COL27A1: variants seen among roughly 807,000 people sequenced by gnomAD.
COL27A1 encodes collagen alpha-1(XXVII) chain.
Under a neutral mutation model 251.3 loss-of-function variants are expected in COL27A1, and 106 were observed. The ratio of observed to expected loss-of-function variants is 0.42; its 90% CI spans 0.36 to 0.50. The LOEUF is 0.50. Among genes scored for constraint, COL27A1 ranks in the 20% least tolerant of loss-of-function variants. The pLI, the probability that COL27A1 is intolerant of heterozygous loss-of-function variation, is 0.00. For synonymous variants in COL27A1, 1,000 were observed against 986.3 expected, an observed-to-expected ratio of 1.01 and a Z score of -0.26; for missense variants, 2,325 against 2,522.8, an observed-to-expected ratio of 0.92 and a Z score of 1.68.
rs760037341 is a variant in COL27A1, at chr9:114,267,458, G to C, written c.3448-46G>C. On this transcript the variant is annotated intron_variant, in intron 33 of 60. Coordinates refer to ENST00000356083, the MANE Select transcript of COL27A1 (RefSeq NM_032888.4). ...TCAGTTACCCCCTTGCTTACAACCAGGGGGCAGCTCTTGCTCTAGGAGGGA... is the reference window on the plus strand; with the variant it reads ...TCAGTTACCCCCTTGCTTACAACCACGGGGCAGCTCTTGCTCTAGGAGGGA... 5.1e-6 allele frequency: 8 copies of C among 1,564,498 alleles called. No individual in the cohort carries two copies. The East Asian group carries it at 1.7e-4, about 32-fold the overall frequency.
Position 114,231,857 on chromosome 9 carries a change from A to T in COL27A1, c.2556A>T (p.Lys852Asn), listed in dbSNP as rs1831982471. The T allele has an allele frequency of 6.2e-7, 1 of 1,614,108 alleles. No homozygotes were observed. Residue 852 changes from lysine (K) to asparagine (N), a missense_variant, in exon 16 of 61, where the codon AAA becomes AAT. Physicochemically the swap from Lys to Asn is moderately conservative, Grantham distance 94 (BLOSUM62 0). Transcript: ENST00000356083. ...LMGSVGEPGL[K>N]GDKGEQGVPG... ...GCAGCGTGGGGGAGCCCGGACTGAA[A>T]GGTGATAAGGTGATCTGAATACTCC...
intron 16 of COL27A1, among the ~76,000 whole-genome samples, chr9:114,232,615 C>G (rs1325443685): frequency 6.6e-6 from 1 of 152,260 alleles, no homozygotes; most frequent in Non-Finnish European, 1.5e-5. Context: ...GAAGGACTGA[C>G]TGCTGCTCAG....
At chr9:114,214,932 A>C (rs1830619884) in intron 12 of COL27A1, among the ~76,000 whole-genome samples, 1 of 152,240 alleles carries the variant, frequency 6.6e-6, no homozygotes, top group African/African-American at 2.4e-5. Flanking sequence ...TTTCCCAGCC[A>C]AGGGTCTCTA....
At chr9:114,253,619 A>C (rs1301237492) in intron 27 of COL27A1, among the ~76,000 whole-genome samples, 1 of 152,174 alleles carries the variant, frequency 6.6e-6, no homozygotes, top group Non-Finnish European at 1.5e-5. Context: ...CCACTTTCTG[A>C]CTATAATCCT....
At chr9:114,235,139 A>T (rs1832282371) in intron 16 of COL27A1, among the ~76,000 whole-genome samples, 1 of 151,688 alleles carries the variant, frequency 6.6e-6, no homozygotes, top group Non-Finnish European at 1.5e-5. Flanking sequence ...CTCCCACATG[A>T]GGAGGAAGTG....
chr9:114,263,303 T>C (rs1834485577), intron 28 of COL27A1, among the ~76,000 whole-genome samples: 1 of 152,176 alleles, frequency 6.6e-6, no homozygotes, highest in African/African-American at 2.4e-5. Context: ...AGTTTTCTTA[T>C]TCCCCATCCT....
At position 114,305,627 on chromosome 9, in the gene COL27A1, C is replaced by T. The variant is rs565713318; in HGVS notation, c.4939-893C>T. Among the ~76,000 whole-genome samples the T allele has an allele frequency of 6.6e-5, 10 of 152,336 alleles. No individual in the cohort carries two copies. The South Asian group carries it at 2.1e-3, about 32-fold the overall frequency. Reference sequence around the variant, plus strand: ...GCCAGGGGCTCTGCCCTCTTCCTCTCCCACACGTGGCTCCCAAGGTCACTC... The same window carrying T: ...GCCAGGGGCTCTGCCCTCTTCCTCTTCCACACGTGGCTCCCAAGGTCACTC... On this transcript the variant is annotated intron_variant, in intron 57 of 60. Coordinates refer to ENST00000356083, the MANE Select transcript of COL27A1 (RefSeq NM_032888.4).
At chr9:114,219,888 G>T (rs867241388) in intron 13 of COL27A1, 44 bp downstream of exon 13, 3 of 1,445,430 alleles carry the variant, frequency 2.1e-6, no homozygotes, top group Middle Eastern at 3.5e-4. Flanking sequence ...GATTCTGAGT[G>T]AACACACAGC....
chr9:114,247,155 A>G (rs2135507083), intron 24 of COL27A1, among the ~76,000 whole-genome samples: 1 of 152,326 alleles, frequency 6.6e-6, no homozygotes, highest in Non-Finnish European at 1.5e-5. Context: ...TTAAAATATA[A>G]TATATTCATA....
intron 27 of COL27A1, 28 bp from the exon 28 acceptor site, chr9:114,258,513 C>G: frequency 4.4e-6 from 7 of 1,607,140 alleles, no homozygotes; most frequent in Non-Finnish European, 5.9e-6. Context: ...AAAAAGGGGC[C>G]TCTCCAAACT....
chr9:114,185,197 C>A (rs1351352123), intron 5 of COL27A1, among the ~76,000 whole-genome samples: 1 of 152,176 alleles, frequency 6.6e-6, no homozygotes, highest in East Asian at 1.9e-4. Flanking sequence ...AGTGAGTTCT[C>A]CTGCCACCAC....
In COL27A1 at chr9:114,237,239, G is replaced by A. The variant is rs563559793; in HGVS notation, c.2673+205G>A. 2.6e-5 allele frequency among the ~76,000 whole-genome samples: 4 copies of A among 152,348 alleles called. No individual in the cohort carries two copies. In the East Asian group the frequency reaches 5.8e-4, roughly 22 times the overall value. On this transcript the variant is annotated intron_variant, in intron 18 of 60. Coordinates refer to ENST00000356083, the MANE Select transcript of COL27A1 (RefSeq NM_032888.4). ...CTCAGTAACTCAGCCAGCTTCAGAGGCAGGCCTCATTTGCCGACAAAGCTC... is the reference window on the plus strand; with the variant it reads ...CTCAGTAACTCAGCCAGCTTCAGAGACAGGCCTCATTTGCCGACAAAGCTC...
At chr9:114,178,894 T>A (rs924803089) in intron 4 of COL27A1, among the ~76,000 whole-genome samples, 32 of 152,292 alleles carry the variant, frequency 2.1e-4, no homozygotes, top group Admixed American at 1.3e-4. Flanking sequence ...CCTTCTTTTA[T>A]GCTGCCTTAT....
rs770002016 is a variant in COL27A1 at position 114,304,059 on chromosome 9, C to T, written c.4873-549C>T. Among the ~76,000 whole-genome samples the T allele has an allele frequency of 2.8e-4, 43 of 152,356 alleles. 1 individual carries two copies. Among genetic ancestry groups the T allele is most frequent in the Non-Finnish European group, 4.8e-4 (33 of 68,042 alleles). ...TTTAGCAGAATTCCTGGCCTCTAAC[C>T]ACCAGATACAAGTAGTACCCCCTCC... On this transcript the variant is annotated intron_variant, in intron 56 of 60. Coordinates refer to ENST00000356083, the MANE Select transcript of COL27A1 (RefSeq NM_032888.4).
Position 114,169,175 on chromosome 9 carries a change from A to G in COL27A1, c.1620A>G (p.Glu540=), listed in dbSNP as rs758895314. The change falls in exon 3 of 61, where the codon GAA becomes GAG. Residue 540 remains glutamate (E), a synonymous_variant. Coordinates refer to ENST00000356083, the MANE Select transcript of COL27A1 (RefSeq NM_032888.4). ...PTGSKKPIGS[E]ASKKAGPKSS... ...GAAGCAAGAAGCCCATTGGATCGGAAGCCTCAAAGAAAGCCGGACCCAAGA... is the reference window on the plus strand; with the variant it reads ...GAAGCAAGAAGCCCATTGGATCGGAGGCCTCAAAGAAAGCCGGACCCAAGA... 162 of 1,613,926 alleles carry G rather than the reference A, an allele frequency of 1.0e-4. No homozygotes were observed. Among genetic ancestry groups the G allele is most frequent in the Non-Finnish European group, 1.3e-4 (151 of 1,180,008 alleles).
chr9:114,250,747 C>G, intron 25 of COL27A1, 79 bp downstream of exon 25: 2 of 1,329,854 alleles, frequency 1.5e-6, no homozygotes, highest in South Asian at 2.4e-5. Context: ...GGCCCTTTGA[C>G]CTGGGGATTT....
At chr9:114,215,915 G>A (rs770245716) in intron 12 of COL27A1, among the ~76,000 whole-genome samples, 3 of 152,216 alleles carry the variant, frequency 2.0e-5, no homozygotes, top group Admixed American at 6.5e-5. Flanking sequence ...AGGGACCTGA[G>A]CCTTAGGAGC....
Position 114,231,813 on chromosome 9 carries a change from G to A in COL27A1, c.2521-9G>A, listed in dbSNP as rs1185708047. 1.2e-6 allele frequency: 2 copies of A among 1,614,078 alleles called. No homozygotes were observed. Among genetic ancestry groups the A allele is most frequent in the Non-Finnish European group, 1.7e-6 (2 of 1,180,028 alleles). ...CCCATCACAGCTGGCCTTGGGCTTT[G>A]TCTTGCAGGGACTGATGGGCAGCGT... On this transcript the variant is annotated splice_polypyrimidine_tract_variant and intron_variant, in intron 15 of 60. Coordinates refer to ENST00000356083, the MANE Select transcript of COL27A1 (RefSeq NM_032888.4).
At chr9:114,279,039 C>T (rs1835744517) in intron 37 of COL27A1, among the ~76,000 whole-genome samples, 1 of 152,176 alleles carries the variant, frequency 6.6e-6, no homozygotes, top group Admixed American at 6.5e-5. Context: ...GACGCAGCCT[C>T]CCGTCTCCCT....
Sources: allele counts gnomAD v4.1 joint callset (sites outside exome capture counted in the v4.1 genomes callset), GRCh38; gene constraint gnomAD v4.1.1; transcripts MANE v1.5; gene names NCBI Gene and HGNC (gene_info 2026-07-23, HGNC 2026-07-21).